Variants in AP2B1 observed in about 807,000 individuals in gnomAD.
AP2B1 encodes the protein AP-2 complex subunit beta.
In AP2B1, 23 loss-of-function variants were observed where a neutral mutation model predicts 102.0. The ratio of observed to expected loss-of-function variants is 0.23; its 90% CI spans 0.16 to 0.32. AP2B1 has a LOEUF of 0.32. Among genes scored for constraint, AP2B1 ranks in the 10% least tolerant of loss-of-function variants. AP2B1 has a pLI of 1.00. For synonymous variants in AP2B1, 381 were observed against 421.2 expected (o/e 0.90, Z 1.17); for missense variants, 541 against 1,157.4 (o/e 0.47, Z 7.73).
At chr17:35,610,443 A>C (rs1210187526) in intron 5 of AP2B1, among the ~76,000 whole-genome samples, 2 of 150,764 alleles carry the variant, frequency 1.3e-5, no homozygotes, top group Non-Finnish European at 3.0e-5. Flanking sequence ...CATCACACCC[A>C]GCCCCCTTTT....
chr17:35,610,644 A>T (rs1046352137), intron 5 of AP2B1, among the ~76,000 whole-genome samples: 4 of 151,392 alleles, frequency 2.6e-5, no homozygotes, highest in Admixed American at 6.6e-5. Flanking sequence ...GCAGTGGCTC[A>T]TGCCTGTAAT....
intron 21 of AP2B1, among the ~76,000 whole-genome samples, chr17:35,720,573 A>ATATTT (rs1324333805): frequency 4.3e-4 from 12 of 28,066 alleles, no homozygotes; most frequent in South Asian, 2.0e-3. Context: ...ATATATATAT[A>ATATTT]TTTTTTTTTT....
chr17:35,648,441 G>A (rs1406546476), intron 12 of AP2B1, among the ~76,000 whole-genome samples: 10 of 152,154 alleles, frequency 6.6e-5, no homozygotes, highest in South Asian at 4.2e-4. Context: ...ACTTGAACCC[G>A]AGAGGCAGAG....
chr17:35,671,221 C>T (rs2075580612), intron 15 of AP2B1, among the ~76,000 whole-genome samples: 1 of 152,126 alleles, frequency 6.6e-6, no homozygotes, highest in African/African-American at 2.4e-5. Flanking sequence ...CTAGAAAGAA[C>T]TTGAGAGGGT....
intron 3 of AP2B1, 31 bp from the exon 4 acceptor site, chr17:35,605,674 T>C (rs770078025): frequency 6.5e-7 from 1 of 1,549,812 alleles, no homozygotes; most frequent in South Asian, 1.2e-5. Context: ...ACCTGCTTAC[T>C]TTCCTTTTCT....
chr17:35,630,602 G>A (rs935281929), intron 9 of AP2B1, among the ~76,000 whole-genome samples: 57 of 152,072 alleles, frequency 3.7e-4, no homozygotes, highest in Admixed American at 5.9e-4. Flanking sequence ...ATCTTATTCT[G>A]AAGTTCAGAG....
intron 5 of AP2B1, among the ~76,000 whole-genome samples, chr17:35,620,056 G>A (rs2074130662): frequency 1.3e-5 from 2 of 152,108 alleles, no homozygotes; most frequent in African/African-American, 4.8e-5. Context: ...AAAGTGCTGG[G>A]ATTACAGGCG....
Position 35,657,641 on chromosome 17 carries a change from G to A in AP2B1, c.1839G>A (p.Thr613=), listed in dbSNP as rs753931704. 85 of 1,613,898 alleles carry A rather than the reference G, an allele frequency of 5.3e-5. No individual in the cohort carries two copies. The highest frequency in any genetic ancestry group is 6.8e-5 in the Non-Finnish European group (80 of 1,179,932). Residue 613 remains threonine (T), a synonymous_variant, in exon 14 of 22, where the codon ACG becomes ACA. Coordinates refer to ENST00000610402, the MANE Select transcript of AP2B1 (RefSeq NM_001030006.2). ...GDSPVGTTTA[T]NLEQPQVIPS... ...GCCCTGTTGGCACTACCACTGCAACGAACCTGGAACAGCCTCAGGTTATCC... is the reference window on the plus strand; with the variant it reads ...GCCCTGTTGGCACTACCACTGCAACAAACCTGGAACAGCCTCAGGTTATCC...
chr17:35,721,843 C>T (rs1298290102), intron 21 of AP2B1, among the ~76,000 whole-genome samples: 1 of 152,192 alleles, frequency 6.6e-6, no homozygotes, highest in African/African-American at 2.4e-5. Flanking sequence ...GCTGTTGTTT[C>T]TCTTTTTAGA....
At chr17:35,708,171 C>T (rs2076380996) in intron 18 of AP2B1, among the ~76,000 whole-genome samples, 2 of 152,112 alleles carry the variant, frequency 1.3e-5, no homozygotes, top group Non-Finnish European at 2.9e-5. Flanking sequence ...CTTTTTAACT[C>T]TGTTTTTAGA....
rs941924452 is a variant in AP2B1 at position 35,654,066 on chromosome 17, T to A, written c.1796+3277T>A. On this transcript the variant is annotated intron_variant, in intron 13 of 21. Coordinates refer to ENST00000610402, the MANE Select transcript of AP2B1 (RefSeq NM_001030006.2). ...TTAATTAAATTTTTACAATTTTTTT[T>A]ACTTTTTTTTTTTGAGATGTAGTCT... Among the ~76,000 whole-genome samples, 70 of 152,008 alleles carry A rather than the reference T, an allele frequency of 4.6e-4. 2 individuals carry two copies. The highest frequency in any genetic ancestry group is 8.8e-5 in the Non-Finnish European group (6 of 67,994).
intron 18 of AP2B1, among the ~76,000 whole-genome samples, chr17:35,701,726 G>A (rs1487397807): frequency 6.6e-6 from 1 of 152,060 alleles, no homozygotes; most frequent in Non-Finnish European, 1.5e-5. Context: ...TCTTATCCTC[G>A]TGCTTCAGCC....
chr17:35,605,992 C>G, intron 4 of AP2B1, 152 bp downstream of exon 4: 1 of 1,304,204 alleles, frequency 7.7e-7, no homozygotes, highest in South Asian at 1.6e-5. Context: ...CAGGGAAATT[C>G]AAACCATGTG....
At chr17:35,619,783 A>G (rs1209940265) in intron 5 of AP2B1, among the ~76,000 whole-genome samples, 1 of 151,986 alleles carries the variant, frequency 6.6e-6, no homozygotes, top group Admixed American at 6.6e-5. Context: ...TTAGTTTTTT[A>G]TTTTACTTTT....
At chr17:35,650,945 A>G in intron 13 of AP2B1, 156 bp downstream of exon 13, 1 of 785,356 alleles carries the variant, frequency 1.3e-6, no homozygotes, top group Non-Finnish European at 2.0e-6. Context: ...ATTTTTGGAC[A>G]CCTACTACTA....
At position 35,605,703 on chromosome 17, in the gene AP2B1, A is replaced by G; in HGVS notation, c.144-2A>G. ...CTTTTCTCTTTTACCCTCTCTTCTC[A>G]GTTCTCTCTTTCCAGACGTAGTGAA... On this transcript the variant is annotated splice_acceptor_variant, in intron 3 of 21. Transcript: ENST00000610402. LOFTEE classifies it high-confidence loss of function. 6.2e-7 allele frequency: 1 copy of G among 1,606,922 alleles called. No individual in the cohort carries two copies. Among genetic ancestry groups the G allele is most frequent in the Non-Finnish European group, 8.5e-7 (1 of 1,176,016 alleles).
rs569701571 is a variant in AP2B1 at position 35,627,245 on chromosome 17, C to CTTTTTTTTTTTT, written c.939-127_939-116dup. 4 of 178,502 alleles carry CTTTTTTTTTTTT rather than the reference C, an allele frequency of 2.2e-5. 1 individual carries two copies. Among genetic ancestry groups the CTTTTTTTTTTTT allele is most frequent in the Admixed American group, 8.0e-5 (1 of 12,498 alleles). 11.1% of individuals were successfully genotyped at this position (178,502 alleles called of 1,614,324 possible). ...TAGAGGCGTATAGAGGAAGTTTATG[C>CTTTTTTTTTTTT]TTTTTTTTTTTTTTTTTTTTTTTTG... On this transcript the variant is annotated intron_variant, in intron 7 of 21. Coordinates refer to ENST00000610402, the MANE Select transcript of AP2B1 (RefSeq NM_001030006.2).
intron 14 of AP2B1, among the ~76,000 whole-genome samples, chr17:35,664,327 C>T (rs1444463802): frequency 6.6e-6 from 1 of 152,120 alleles, no homozygotes; most frequent in Non-Finnish European, 1.5e-5. Flanking sequence ...GATCATAGCT[C>T]ACTGCAGCCT....
At chr17:35,709,406 T>TAA in intron 19 of AP2B1, 98 bp downstream of exon 19, 3 of 911,764 alleles carry the variant, frequency 3.3e-6, no homozygotes, top group Admixed American at 4.2e-5. Context: ...ATTTTGAGGT[T>TAA]AAAAAAAAAT....
Sources: allele counts gnomAD v4.1 joint callset (sites outside exome capture counted in the v4.1 genomes callset), GRCh38; gene constraint gnomAD v4.1.1; transcripts MANE v1.5; gene names NCBI Gene and HGNC (gene_info 2026-07-23, HGNC 2026-07-21).